SEC23IP: variants seen among roughly 807,000 people sequenced by gnomAD.
SEC23IP encodes SEC23-interacting protein.
Under a neutral mutation model 113.4 loss-of-function variants are expected in SEC23IP, and 70 were observed. The observed-to-expected ratio is 0.62, with a 90% CI of 0.51 to 0.75. The LOEUF is 0.75. Among genes scored for constraint, SEC23IP ranks in the 30% least tolerant of loss-of-function variants. The pLI is 0.00. For missense variants in SEC23IP, 1,160 were observed against 1,204.9 expected, an observed-to-expected ratio of 0.96 and a Z score of 0.55; for synonymous variants, 398 against 421.0, an observed-to-expected ratio of 0.95 and a Z score of 0.67.
chr10:119,914,209 C>T (rs1180553875), intron 6 of SEC23IP, among the ~76,000 whole-genome samples: 1 of 152,208 alleles, frequency 6.6e-6, no homozygotes, highest in Non-Finnish European at 1.5e-5. Context: ...TAGGATTTGG[C>T]CTGTGGGCCA....
At chr10:119,901,913 C>T (rs1354195663) in intron 2 of SEC23IP, among the ~76,000 whole-genome samples, 3 of 152,128 alleles carry the variant, frequency 2.0e-5, no homozygotes. Flanking sequence ...TCTCGAACTC[C>T]TGACCTTAGG....
intron 2 of SEC23IP, among the ~76,000 whole-genome samples, chr10:119,900,944 A>G (rs774571228): frequency 7.4e-6 from 1 of 135,946 alleles, no homozygotes; most frequent in Non-Finnish European, 1.6e-5. Flanking sequence ...TCTATAATCT[A>G]TTTTTTTTTT....
At chr10:119,918,179 T>G (rs1855115947) in intron 9 of SEC23IP, 135 bp downstream of exon 9, 1 of 784,062 alleles carries the variant, frequency 1.3e-6, no homozygotes, top group Non-Finnish European at 2.0e-6. Context: ...ATGAATGCTC[T>G]GAGTTTAGAT....
At chr10:119,936,239 C>T (rs1489813974) in intron 18 of SEC23IP, among the ~76,000 whole-genome samples, 1 of 152,088 alleles carries the variant, frequency 6.6e-6, no homozygotes, top group African/African-American at 2.4e-5. Context: ...AAGCAGTGTT[C>T]TTATTTCTGA....
intron 2 of SEC23IP, 91 bp from the exon 3 acceptor site, chr10:119,902,708 A>G: frequency 1.0e-6 from 1 of 980,448 alleles, no homozygotes; most frequent in Non-Finnish European, 1.6e-6. Flanking sequence ...ATATACATGT[A>G]GGATAATCTA....
intron 4 of SEC23IP, among the ~76,000 whole-genome samples, chr10:119,908,250 C>T (rs1015889617): frequency 6.6e-5 from 10 of 151,950 alleles, no homozygotes; most frequent in Non-Finnish European, 7.4e-5. Context: ...ATTACTCCAG[C>T]CCACATGAAA....
chr10:119,928,219 T>G (rs56122778), intron 13 of SEC23IP, among the ~76,000 whole-genome samples: 16,434 of 152,234 alleles, frequency 0.11, 941 homozygotes, highest in South Asian at 0.17. Context: ...ATTTTTCTTT[T>G]GTGAAGTGTT....
At position 119,898,015 on chromosome 10, in the gene SEC23IP, A is replaced by G. The variant is rs201432404; in HGVS notation, c.164-412A>G. ...GCGAGACGCCGTCTCAAAAAAAAAT[A>G]AAAAAAAAAAAATAAATAAAAATAG... On this transcript the variant is annotated intron_variant, in intron 1 of 18. Transcript: ENST00000369075. Among the ~76,000 whole-genome samples the G allele has an allele frequency of 3.1e-4, 20 of 64,978 alleles. 1 individual carries two copies. The highest frequency in any genetic ancestry group is 8.2e-4 in the African/African-American group (20 of 24,284). 42.6% of individuals were successfully genotyped at this position (64,978 alleles called of 152,430 possible).
intron 11 of SEC23IP, 148 bp downstream of exon 11, chr10:119,919,744 T>A (rs908148287): frequency 8.6e-6 from 6 of 700,552 alleles, no homozygotes; most frequent in Non-Finnish European, 1.3e-5. Flanking sequence ...AGAAGAATAT[T>A]TTTTTATAAT....
Position 119,898,968 on chromosome 10 carries a change from A to G in SEC23IP, c.696+9A>G. ...CAGGATCTTTGCCACCGGTATGGAG[A>G]CATGATTTTGTGTCCTACTTATTCA... On this transcript the variant is annotated intron_variant, in intron 2 of 18. Coordinates refer to ENST00000369075, the MANE Select transcript of SEC23IP (RefSeq NM_007190.4). 3 of 1,544,142 alleles carry G rather than the reference A, an allele frequency of 1.9e-6. No individual in the cohort carries two copies. The highest frequency in any genetic ancestry group is 2.6e-6 in the Non-Finnish European group (3 of 1,150,894).
At position 119,909,069 on chromosome 10, in the gene SEC23IP, A is replaced by G. The variant is rs138166421; in HGVS notation, c.1130A>G (p.Asn377Ser). Residue 377 changes from asparagine (N) to serine (S), a missense_variant, in exon 5 of 19, where the codon AAT becomes AGT. Coordinates refer to ENST00000369075, the MANE Select transcript of SEC23IP (RefSeq NM_007190.4). Reference sequence around the variant, plus strand: ...GAATATAAAAAAGCTGTAACCACTAATCAGTGGCACCGAAGATTAGAGTTT... The same window carrying G: ...GAATATAAAAAAGCTGTAACCACTAGTCAGTGGCACCGAAGATTAGAGTTT... ...EAEYKKAVTT[N>S]QWHRRLEFPS... 4.4e-5 allele frequency: 71 copies of G among 1,613,162 alleles called. No homozygotes were observed. In the Middle Eastern group the frequency reaches 5.0e-4, roughly 11 times the overall value.
Position 119,892,878 on chromosome 10 carries a change from C to G in SEC23IP, c.96C>G (p.Ser32Arg), listed in dbSNP as rs767281772. Residue 32 changes from serine to arginine, a missense_variant, in exon 1 of 19, where the codon AGC becomes AGG. By Grantham distance (110) the Ser-to-Arg change is moderately radical (BLOSUM62 -1). Coordinates refer to ENST00000369075, the MANE Select transcript of SEC23IP (RefSeq NM_007190.4). ...TCTCCTCCTCGGCCACGGAGTTCAG[C>G]TTCAATGTGCCCTTCATCCCAGTCA... ...LLFSSSATEFSFNVPFIPVTQ... is the reference protein window; with the variant it reads ...LLFSSSATEFRFNVPFIPVTQ... The G allele has an allele frequency of 1.2e-6, 2 of 1,614,016 alleles. No homozygotes were observed. Among genetic ancestry groups the G allele is most frequent in the South Asian group, 2.2e-5 (2 of 91,058 alleles).
At chr10:119,896,587 C>G (rs1430597551) in intron 1 of SEC23IP, among the ~76,000 whole-genome samples, 1 of 152,092 alleles carries the variant, frequency 6.6e-6, no homozygotes, top group Admixed American at 6.5e-5. Context: ...GGGAGTGTCA[C>G]AAATATACAA....
chr10:119,918,502 G>T lies in SEC23IP; in HGVS notation c.1863G>T (p.Gln621His). The change falls in exon 10 of 19, where the codon CAG becomes CAT. Residue 621 changes from glutamine (Q) to histidine (H), a missense_variant. Transcript: ENST00000369075. The stretch of plus-strand genomic sequence containing the variant: ...GAGTTGTGAAGCAGCTACATTTTCA[G>T]GAAAAGCAGGTACGTCTGTACGTGG... ...ANGVVKQLHFQEKQMPEEPKL... is the reference protein window; with the variant it reads ...ANGVVKQLHFHEKQMPEEPKL... 6.2e-7 allele frequency: 1 copy of T among 1,603,268 alleles called. No individual in the cohort carries two copies. The highest frequency in any genetic ancestry group is 1.1e-5 in the South Asian group (1 of 90,828).
chr10:119,927,077 T>A lies in SEC23IP; in HGVS notation c.2313+850T>A, dbSNP rs1298918646. Among the ~76,000 whole-genome samples, 4 of 152,258 alleles carry A rather than the reference T, an allele frequency of 2.6e-5. No homozygotes were observed. In the South Asian group the frequency reaches 6.2e-4, roughly 24 times the overall value. ...ACCACACCTGGCTAATTTTTTCATT[T>A]TTTGTAGAGACAGTCTTGCTGTGTT... On this transcript the variant is annotated intron_variant, in intron 13 of 18. Transcript: ENST00000369075.
chr10:119,921,067 T>G (rs1855237187), intron 12 of SEC23IP, 83 bp downstream of exon 12: 1 of 948,342 alleles, frequency 1.1e-6, no homozygotes, highest in Non-Finnish European at 1.6e-6. Context: ...TTAATACTAC[T>G]ATGGTTAGGT....
At chr10:119,907,311 G>A (rs981689645) in intron 4 of SEC23IP, among the ~76,000 whole-genome samples, 5 of 151,680 alleles carry the variant, frequency 3.3e-5, no homozygotes, top group South Asian at 2.1e-4. Context: ...AAAAAAGTAC[G>A]GAAGACTGAT....
At chr10:119,907,105 T>A (rs1333469652) in intron 4 of SEC23IP, among the ~76,000 whole-genome samples, 4 of 151,678 alleles carry the variant, frequency 2.6e-5, no homozygotes. Flanking sequence ...GAGACCAGTC[T>A]GGCCAACGTG....
At chr10:119,936,104 ATACTTTATTT>A (rs1428838763) in intron 18 of SEC23IP, among the ~76,000 whole-genome samples, 1 of 152,152 alleles carries the variant, frequency 6.6e-6, no homozygotes, top group Non-Finnish European at 1.5e-5. Context: ...TTTTATTAAA[ATACTTTATTT>A]TACCCCATTG....
Sources: allele counts gnomAD v4.1 joint callset (sites outside exome capture counted in the v4.1 genomes callset), GRCh38; gene constraint gnomAD v4.1.1; transcripts MANE v1.5; gene names NCBI Gene and HGNC (gene_info 2026-07-23, HGNC 2026-07-21).